Variants in LVRN observed in about 807,000 individuals in gnomAD.
The protein encoded by LVRN is laeverin, also known as aminopeptidase Q.
A neutral mutation model predicts 111.4 loss-of-function variants in LVRN; 99 were observed. That is an observed-to-expected ratio of 0.89 (90% CI 0.76 to 1.05). The LOEUF is 1.05. LVRN is among the 50% of genes least tolerant of loss of function. The probability of loss-of-function intolerance (pLI) is 0.00; values close to 1 mark genes in which losing one functional copy is unlikely to be tolerated. For missense variants in LVRN, 1,414 were observed against 1,206.8 expected, an observed-to-expected ratio of 1.17 and a Z score of -2.54; for synonymous variants, 488 against 449.5, an observed-to-expected ratio of 1.09 and a Z score of -1.08.
chr5:115,988,542 T>G (rs1747918612), intron 4 of LVRN, among the ~76,000 whole-genome samples: 1 of 152,206 alleles, frequency 6.6e-6, no homozygotes, highest in African/African-American at 2.4e-5. Context: ...TGTTCATTGT[T>G]TTTTCTCTAA....
At chr5:116,008,390 C>T (rs1202479661) in intron 13 of LVRN, among the ~76,000 whole-genome samples, 1 of 151,940 alleles carries the variant, frequency 6.6e-6, no homozygotes, top group African/African-American at 2.4e-5. Context: ...ATTAATAACC[C>T]TACAATGGCC....
At chr5:115,987,766 A>G in intron 3 of LVRN, 47 bp from the exon 4 acceptor site, 1 of 1,580,762 alleles carries the variant, frequency 6.3e-7, no homozygotes, top group Non-Finnish European at 8.6e-7. Context: ...CCTCTTTCCA[A>G]AATCACTACT....
At chr5:115,967,447 C>T (rs991147137) in intron 1 of LVRN, among the ~76,000 whole-genome samples, 1 of 152,230 alleles carries the variant, frequency 6.6e-6, no homozygotes, top group Admixed American at 6.5e-5. Flanking sequence ...GTTGGCCCCA[C>T]TATTACTGGA....
intron 1 of LVRN, among the ~76,000 whole-genome samples, chr5:115,974,066 A>G (rs565091848): frequency 1.3e-5 from 2 of 152,324 alleles, no homozygotes; most frequent in African/African-American, 4.8e-5. Flanking sequence ...AGTTTGAAGT[A>G]GGAGGTAAGG....
At chr5:116,015,175 A>T in intron 16 of LVRN, 77 bp from the exon 17 acceptor site, 1 of 848,276 alleles carries the variant, frequency 1.2e-6, no homozygotes, top group Non-Finnish European at 1.6e-6. Flanking sequence ...TTTTTTCTAG[A>T]TTCATACTTC....
Position 116,026,289 on chromosome 5 carries a change from G to A in LVRN, c.*171G>A. 1.0e-6 allele frequency: 1 copy of A among 988,552 alleles called. No homozygotes were observed. Among genetic ancestry groups the A allele is most frequent in the Non-Finnish European group, 1.4e-6 (1 of 690,656 alleles). The allele number at this position is 988,552 out of a possible 1,614,324, so 61.2% of individuals were successfully genotyped here. The stretch of plus-strand genomic sequence containing the variant: ...TATTGTCATGTTTGGCCCTGAGGGT[G>A]GGTGATTGCTGACAATTTTGCCAAT... On this transcript the variant is annotated 3_prime_UTR_variant, in exon 20 of 20. Transcript: ENST00000357872.
At chr5:115,970,541 C>T (rs926107209) in intron 1 of LVRN, among the ~76,000 whole-genome samples, 24 of 152,102 alleles carry the variant, frequency 1.6e-4, no homozygotes, top group African/African-American at 5.1e-4. Flanking sequence ...CGCCACCACA[C>T]CTGGCTAATT....
At position 116,002,872 on chromosome 5, in the gene LVRN, G is replaced by A; in HGVS notation, c.1858G>A (p.Gly620Arg). 1 of 1,611,024 alleles carries A rather than the reference G, an allele frequency of 6.2e-7. No homozygotes were observed. ...WIVPILWIKN[G>R]TTQPLVWLDQ... ...TGTCCCTATTCTTTGGATAAAAAAT[G>A]GAACTACACAACCTTTAGTCTGGCT... The change falls in exon 11 of 20, where the codon GGA (glycine) becomes AGA (arginine). Residue 620 changes from glycine to arginine, a missense_variant. Transcript: ENST00000357872.
At chr5:115,975,356 C>T (rs1016591295) in intron 1 of LVRN, 1 of 258,594 alleles carries the variant, frequency 3.9e-6, no homozygotes, top group Non-Finnish European at 7.5e-6. Context: ...ATATCAACAC[C>T]TTTCCTAAGG....
Position 116,002,810 on chromosome 5 carries a change from A to C in LVRN, c.1821-25A>C, listed in dbSNP as rs534210431. The C allele has an allele frequency of 4.6e-6, 7 of 1,534,724 alleles. No homozygotes were observed. The South Asian group carries it at 8.1e-5, about 18-fold the overall frequency. ...ATGTTTTTATGTGTGAAAAGTAACT[A>C]ATTTTTTTATTTTCTTCCAATAAGT... On this transcript the variant is annotated intron_variant, in intron 10 of 19. Coordinates refer to ENST00000357872, the MANE Select transcript of LVRN (RefSeq NM_173800.5).
chr5:116,008,557 T>C (rs1245671504), intron 13 of LVRN, among the ~76,000 whole-genome samples: 1 of 151,672 alleles, frequency 6.6e-6, no homozygotes, highest in African/African-American at 2.4e-5. Context: ...AAAGGATAAG[T>C]TCTTGAAGGA....
At chr5:116,003,070 C>T (rs367623483) in intron 11 of LVRN, among the ~76,000 whole-genome samples, 159 bp downstream of exon 11, 42 of 152,128 alleles carry the variant, frequency 2.8e-4, no homozygotes, top group African/African-American at 9.4e-4. Context: ...AAATCAAAAG[C>T]CATTATATGT....
intron 6 of LVRN, among the ~76,000 whole-genome samples, chr5:115,996,393 G>A (rs1185988663): frequency 6.6e-6 from 1 of 152,002 alleles, no homozygotes; most frequent in East Asian, 1.9e-4. Flanking sequence ...TAGTTTCTTA[G>A]CCACTCTTTT....
chr5:116,002,407 C>G lies in LVRN; in HGVS notation c.1821-428C>G, dbSNP rs534248733. On this transcript the variant is annotated intron_variant, in intron 10 of 19. Transcript: ENST00000357872. ...GAATAGTTTTCAGATGGGGAGAATG[C>G]TTGAGGCTGAAAGTATTTTGAAGTG... Among the ~76,000 whole-genome samples the G allele has an allele frequency of 2.0e-5, 3 of 152,328 alleles. No individual in the cohort carries two copies. The South Asian group carries it at 6.2e-4, about 32-fold the overall frequency.
Position 116,002,996 on chromosome 5 carries a change from A to C in LVRN, c.1897+85A>C. The C allele has an allele frequency of 3.4e-6, 4 of 1,179,908 alleles. No homozygotes were observed. The South Asian group carries it at 6.0e-5, about 18-fold the overall frequency. 73.1% of individuals were successfully genotyped at this position (1,179,908 alleles called of 1,614,324 possible). A position where few individuals can be genotyped will look rare whatever the true frequency, so the allele number is the denominator to read the frequency against. On this transcript the variant is annotated intron_variant, in intron 11 of 19. Transcript: ENST00000357872. ...AATATTGAAAAGTCTAGCTTTTGAAAAGCCATTTCATTTCAAACTAAAATA... is the reference window on the plus strand; with the variant it reads ...AATATTGAAAAGTCTAGCTTTTGAACAGCCATTTCATTTCAAACTAAAATA...
chr5:115,981,993 T>C (rs1012180791), intron 1 of LVRN, among the ~76,000 whole-genome samples: 5 of 152,194 alleles, frequency 3.3e-5, no homozygotes, highest in Admixed American at 2.6e-4. Context: ...TGTGTGACTG[T>C]CCTGCGTTGC....
intron 1 of LVRN, among the ~76,000 whole-genome samples, chr5:115,971,410 C>T (rs568058689): frequency 2.6e-5 from 4 of 152,092 alleles, no homozygotes; most frequent in Admixed American, 6.6e-5. Flanking sequence ...ATTGTCTATC[C>T]TAAGCTCATA....
chr5:115,992,411 T>A, intron 5 of LVRN, 134 bp downstream of exon 5: 1 of 1,010,302 alleles, frequency 9.9e-7, no homozygotes, highest in Non-Finnish European at 1.4e-6. Flanking sequence ...AGTATGACAG[T>A]GAGTAAAAAT....
intron 18 of LVRN, among the ~76,000 whole-genome samples, chr5:116,019,706 C>T (rs753249480): frequency 1.6e-4 from 25 of 152,296 alleles, no homozygotes; most frequent in Non-Finnish European, 2.9e-4. Flanking sequence ...ATCATGAGTA[C>T]GAGCAGAGGG....
Sources: gnomAD v4.1 joint callset for allele counts (sites outside exome capture counted in the v4.1 genomes callset) on GRCh38, gnomAD v4.1.1 for gene constraint, MANE v1.5 for transcripts, NCBI Gene and HGNC (gene_info 2026-07-23, HGNC 2026-07-21) for gene names.